Variants in NRG1 observed in about 807,000 individuals in gnomAD.
NRG1 encodes neuregulin 1.
NRG1 carries 18 observed loss-of-function variants against 63.8 expected under a neutral mutation model. The ratio of observed to expected loss-of-function variants is 0.28; its 90% confidence interval spans 0.19 to 0.42. The LOEUF is 0.42. Ranked by LOEUF, NRG1 falls within the 10% of genes least tolerant of loss-of-function variation. The probability of loss-of-function intolerance (pLI) is 1.00; values close to 1 mark genes in which losing one functional copy is unlikely to be tolerated. For missense variants in NRG1, 762 were observed against 814.7 expected (o/e 0.94, Z 0.79); for synonymous variants, 302 against 301.3 (o/e 1.00, Z -0.02).
At chr8:31,688,415 G>T (rs570505983) in intron 1 of NRG1, among the ~76,000 whole-genome samples, 1 of 152,226 alleles carries the variant, frequency 6.6e-6, no homozygotes, top group East Asian at 1.9e-4. Flanking sequence ...TCAATCTGCT[G>T]GTACCTTGAT....
intron 1 of NRG1, among the ~76,000 whole-genome samples, chr8:31,685,360 A>C (rs1442241665): frequency 6.6e-6 from 1 of 152,192 alleles, no homozygotes; most frequent in African/African-American, 2.4e-5. Context: ...AGATGTTTTT[A>C]TAAAAAGGAA....
At chr8:31,930,849 A>C (rs1409291249) in intron 1 of NRG1, among the ~76,000 whole-genome samples, 1 of 152,148 alleles carries the variant, frequency 6.6e-6, no homozygotes, top group African/African-American at 2.4e-5. Flanking sequence ...CATCTGTAGC[A>C]ATTGCTCTTT....
At chr8:32,301,878 A>G (rs898379189) in intron 1 of NRG1, among the ~76,000 whole-genome samples, 1 of 152,156 alleles carries the variant, frequency 6.6e-6, no homozygotes, top group Non-Finnish European at 1.5e-5. Context: ...GCCAAACCAT[A>G]TCAGGCCCAC....
intron 1 of NRG1, among the ~76,000 whole-genome samples, chr8:31,679,846 A>G (rs1808132653): frequency 6.6e-6 from 1 of 152,174 alleles, no homozygotes; most frequent in African/African-American, 2.4e-5. Context: ...TAGAATGAAT[A>G]AAAGAGGTTA....
intron 1 of NRG1, among the ~76,000 whole-genome samples, chr8:32,524,177 C>T (rs147627919): frequency 0.012 from 1,853 of 152,148 alleles, 36 homozygotes; most frequent in African/African-American, 0.042. Flanking sequence ...GTCCCAGATA[C>T]TTGAGAGGCT....
chr8:31,925,804 C>A (rs1009951825), intron 1 of NRG1, among the ~76,000 whole-genome samples: 1 of 152,088 alleles, frequency 6.6e-6, no homozygotes, highest in Admixed American at 6.5e-5. Flanking sequence ...CCACTTTATT[C>A]TTTATCATTG....
intron 5 of NRG1, among the ~76,000 whole-genome samples, chr8:32,651,635 ACT>A (rs1855145075): frequency 6.6e-6 from 1 of 152,090 alleles, no homozygotes; most frequent in Non-Finnish European, 1.5e-5. Context: ...TCTTGGGCCA[ACT>A]TTGTTTTGCT....
intron 1 of NRG1, among the ~76,000 whole-genome samples, chr8:32,131,749 T>C (rs117286899): frequency 6.6e-6 from 1 of 152,182 alleles, no homozygotes; most frequent in Non-Finnish European, 1.5e-5. Flanking sequence ...GATAAGACAC[T>C]TAAATGTTGA....
chr8:32,301,801 G>A (rs1192401742), intron 1 of NRG1, among the ~76,000 whole-genome samples: 2 of 152,108 alleles, frequency 1.3e-5, no homozygotes, highest in African/African-American at 4.8e-5. Flanking sequence ...CAGCTCCCAC[G>A]GGTTCCTCCC....
intron 1 of NRG1, among the ~76,000 whole-genome samples, chr8:31,893,319 A>G (rs1416245545): frequency 2.0e-5 from 3 of 151,454 alleles, no homozygotes; most frequent in East Asian, 3.9e-4. Context: ...TTTAAGGTTA[A>G]GTGGGAACAA....
chr8:32,549,476 T>C (rs4733130), intron 1 of NRG1, among the ~76,000 whole-genome samples: 59,570 of 152,092 alleles, frequency 0.39, 12,745 homozygotes, highest in Admixed American at 0.49. Flanking sequence ...TAGTCCAGTG[T>C]CAGGAATCAG....
chr8:32,379,814 A>G (rs756314503), intron 1 of NRG1, among the ~76,000 whole-genome samples: 1 of 152,226 alleles, frequency 6.6e-6, no homozygotes, highest in Non-Finnish European at 1.5e-5. Flanking sequence ...ATAGGTCAAT[A>G]CTGTCCTAAG....
chr8:32,718,180 A>T (rs533228697), intron 5 of NRG1, among the ~76,000 whole-genome samples: 2 of 152,314 alleles, frequency 1.3e-5, no homozygotes, highest in East Asian at 3.9e-4. Context: ...AATGGGCCTC[A>T]GTTCCTCTGT....
intron 1 of NRG1, among the ~76,000 whole-genome samples, chr8:32,218,130 C>T (rs1334081693): frequency 6.6e-6 from 1 of 152,226 alleles, no homozygotes; most frequent in South Asian, 2.1e-4. Context: ...CTTGAGAAAC[C>T]TAATTCTTGC....
intron 1 of NRG1, among the ~76,000 whole-genome samples, chr8:32,264,364 AAAAG>A (rs1455747204): frequency 2.6e-5 from 4 of 152,328 alleles, no homozygotes; most frequent in Non-Finnish European, 5.9e-5. Flanking sequence ...TCTTTTTAAA[AAAAG>A]AAAGAAAACA....
chr8:32,608,710 T>C (rs147328435), intron 3 of NRG1, among the ~76,000 whole-genome samples: 312 of 152,164 alleles, frequency 2.1e-3, no homozygotes, highest in African/African-American at 7.1e-3. Flanking sequence ...TTGTGGCTTT[T>C]CTCTCTGGTG....
chr8:31,858,798 G>A (rs188104816), intron 1 of NRG1, among the ~76,000 whole-genome samples: 7 of 152,266 alleles, frequency 4.6e-5, no homozygotes, highest in East Asian at 3.9e-4. Context: ...GACAACGCCC[G>A]ACTGCATGTT....
At chr8:32,031,443 C>T (rs1015524061) in intron 1 of NRG1, among the ~76,000 whole-genome samples, 3 of 152,144 alleles carry the variant, frequency 2.0e-5, no homozygotes, top group Admixed American at 6.5e-5. Context: ...TGCCATCTGC[C>T]CTCCCCGCAC....
intron 1 of NRG1, among the ~76,000 whole-genome samples, chr8:32,380,453 T>C: frequency 6.6e-6 from 1 of 152,158 alleles, no homozygotes; most frequent in East Asian, 1.9e-4. Flanking sequence ...CTCTCAAGCA[T>C]AGTCTCTCCC....
Sources: allele counts gnomAD v4.1 joint callset (sites outside exome capture counted in the v4.1 genomes callset), GRCh38; gene constraint gnomAD v4.1.1; transcripts MANE v1.5; gene names NCBI Gene and HGNC (gene_info 2026-07-23, HGNC 2026-07-21).